EYA3: variants seen among roughly 807,000 people sequenced by gnomAD.
EYA3 encodes EYA transcriptional coactivator and phosphatase 3, also known as protein phosphatase EYA3.
In EYA3, 39 loss-of-function variants were observed where a neutral mutation model predicts 80.0. The observed-to-expected ratio is 0.49, with a 90% confidence interval of 0.38 to 0.64. The LOEUF is 0.64. EYA3 is among the 30% of genes least tolerant of loss of function. The pLI, the probability that EYA3 is intolerant of heterozygous loss-of-function variation, is 0.00. For synonymous variants in EYA3, 206 were observed against 232.8 expected (o/e 0.88, Z 1.05); for missense variants, 523 against 676.1 (o/e 0.77, Z 2.51).
chr1:27,998,380 A>T (rs1640599104), intron 12 of EYA3: 3 of 913,438 alleles, frequency 3.3e-6, no homozygotes. Context: ...TACAATTGGC[A>T]ATAATTATTG....
intron 10 of EYA3, 145 bp downstream of exon 10, chr1:28,010,802 C>A (rs1014907877): frequency 2.3e-6 from 2 of 857,422 alleles, no homozygotes; most frequent in Non-Finnish European, 3.5e-6. Flanking sequence ...TTTCTTTTAA[C>A]GTGGCCAATT....
At chr1:28,050,787 T>C (rs962201644) in intron 2 of EYA3, among the ~76,000 whole-genome samples, 1 of 152,164 alleles carries the variant, frequency 6.6e-6, no homozygotes, top group African/African-American at 2.4e-5. Context: ...AACTAGGCAG[T>C]AGAGGCAGGT....
intron 1 of EYA3, among the ~76,000 whole-genome samples, chr1:28,075,264 G>A (rs1323679139): frequency 6.6e-6 from 1 of 152,144 alleles, no homozygotes; most frequent in African/African-American, 2.4e-5. Context: ...ATTTCCTTAT[G>A]AACATCTCAT....
At chr1:28,073,938 C>T (rs1281902426) in intron 1 of EYA3, among the ~76,000 whole-genome samples, 1 of 152,078 alleles carries the variant, frequency 6.6e-6, no homozygotes, top group Non-Finnish European at 1.5e-5. Flanking sequence ...ACACAGACCA[C>T]AGTTTTTTTA....
At position 27,988,585 on chromosome 1, in the gene EYA3, C is replaced by G; in HGVS notation, c.1490G>C (p.Gly497Ala). ...VPALAKVLLY[G>A]LGEIFPIENI... ...CTCAATAGGAAATATTTCTCCTAGT[C>G]CATATAGGAGAACCTTGGCCAGGGC... Residue 497 changes from glycine to alanine, a missense_variant, in exon 16 of 18, where the codon GGA becomes GCA. By Grantham distance (60) the Gly-to-Ala change is moderately conservative. Around this residue, in one of 2 missense-constraint regions of EYA3, gnomAD observed 219 missense variants for 332.8 expected, o/e 0.66. Coordinates refer to ENST00000373871, the MANE Select transcript of EYA3 (RefSeq NM_001990.4). The G allele has an allele frequency of 6.2e-7, 1 of 1,613,268 alleles. No homozygotes were observed. Among genetic ancestry groups the G allele is most frequent in the Non-Finnish European group, 8.5e-7 (1 of 1,179,272 alleles).
chr1:28,003,270 A>AAACAACAAC (rs139958121), intron 11 of EYA3, among the ~76,000 whole-genome samples: 101 of 145,818 alleles, frequency 6.9e-4, no homozygotes, highest in Admixed American at 1.9e-3. Context: ...ACTCCGTCTC[A>AAACAACAAC]AACAACAACA....
At chr1:28,052,258 C>T (rs1034079215) in intron 2 of EYA3, among the ~76,000 whole-genome samples, 2 of 152,158 alleles carry the variant, frequency 1.3e-5, no homozygotes, top group African/African-American at 4.8e-5. Flanking sequence ...CCCACCTCGG[C>T]CTCCCAAATT....
chr1:28,010,890 T>TA, intron 10 of EYA3, 57 bp downstream of exon 10: 15 of 1,563,722 alleles, frequency 9.6e-6, no homozygotes, highest in Non-Finnish European at 1.1e-5. Flanking sequence ...ACATGTTTGA[T>TA]AAACTTAAGA....
chr1:27,977,948 C>G (rs1340466186), intron 17 of EYA3, among the ~76,000 whole-genome samples: 1 of 151,956 alleles, frequency 6.6e-6, no homozygotes, highest in Non-Finnish European at 1.5e-5. Context: ...TTCCAGGGCT[C>G]AAAGGCAGGA....
intron 13 of EYA3, among the ~76,000 whole-genome samples, chr1:27,995,663 C>T (rs1284534486): frequency 6.6e-6 from 1 of 151,134 alleles, no homozygotes; most frequent in Non-Finnish European, 1.5e-5. Flanking sequence ...TTGAGGGAGG[C>T]CAGGGACAGG....
chr1:28,041,782 T>A (rs1050766841), intron 4 of EYA3, among the ~76,000 whole-genome samples: 2 of 152,072 alleles, frequency 1.3e-5, no homozygotes, highest in Admixed American at 6.6e-5. Flanking sequence ...AGTGTTGGGA[T>A]TACAGACAAG....
intron 4 of EYA3, among the ~76,000 whole-genome samples, chr1:28,040,502 A>T (rs768574153): frequency 3.9e-5 from 6 of 152,358 alleles, no homozygotes; most frequent in Admixed American, 6.5e-5. Flanking sequence ...CAAGATATTT[A>T]AAGTAATGTA....
chr1:28,060,425 G>A lies in EYA3; in HGVS notation c.-68-2331C>T, dbSNP rs114346836. ...TAAAAGAAAAAACATAGAAACATTA[G>A]TATAAATGGTGGGGATATAAATTAT... On this transcript the variant is annotated intron_variant, in intron 1 of 17. Transcript: ENST00000373871. Among the ~76,000 whole-genome samples the A allele has an allele frequency of 1.1e-3, 160 of 152,212 alleles. 1 individual carries two copies. The highest frequency in any genetic ancestry group is 1.4e-3 in the Non-Finnish European group (96 of 68,000).
chr1:27,988,898 T>C (rs543762884), intron 15 of EYA3, among the ~76,000 whole-genome samples: 19 of 152,322 alleles, frequency 1.2e-4, no homozygotes, highest in African/African-American at 4.1e-4. Context: ...AACAACTTAG[T>C]TCTTGCCTTC....
chr1:27,977,338 C>A (rs1226955282), intron 17 of EYA3: 53 of 1,550,524 alleles, frequency 3.4e-5, no homozygotes, highest in Non-Finnish European at 4.6e-5. Flanking sequence ...AGTATCAGGG[C>A]AGTTGGTTCT....
rs1205308896 is a variant in EYA3 at position 28,048,378 on chromosome 1, C to T, written c.77+5G>A. 2 of 1,600,148 alleles carry T rather than the reference C, an allele frequency of 1.2e-6. No individual in the cohort carries two copies. The highest frequency in any genetic ancestry group is 2.2e-5 in the East Asian group (1 of 44,730). ...TTCATTAAAAAGAAAGCAAACTTTA[C>T]ATACCTTATAGTTTGCTCTCCTGAT... On this transcript the variant is annotated splice_donor_5th_base_variant and intron_variant, in intron 3 of 17. Transcript: ENST00000373871.
At chr1:28,065,270 T>C (rs1313443118) in intron 1 of EYA3, among the ~76,000 whole-genome samples, 4 of 152,168 alleles carry the variant, frequency 2.6e-5, no homozygotes, top group South Asian at 2.1e-4. Flanking sequence ...GTTCTTACCA[T>C]AGATTTTTTT....
In EYA3 at chr1:28,030,449, G is replaced by C. The variant is rs541681261; in HGVS notation, c.362-2523C>G. 2.6e-4 allele frequency among the ~76,000 whole-genome samples: 39 copies of C among 152,066 alleles called. 1 individual carries two copies. In the South Asian group the frequency reaches 8.1e-3, roughly 32 times the overall value. On this transcript the variant is annotated intron_variant, in intron 6 of 17. Transcript: ENST00000373871. ...CTGGGACCACAGGCACACTACGCCT[G>C]GCTACTTTTTGTATTTTTGCAGAGA...
intron 3 of EYA3, among the ~76,000 whole-genome samples, chr1:28,046,247 T>C (rs1422131614): frequency 6.6e-6 from 1 of 152,196 alleles, no homozygotes; most frequent in Non-Finnish European, 1.5e-5. Context: ...GTAAATTGTA[T>C]ATTGTGTGTA....
Sources: allele counts gnomAD v4.1 joint callset (sites outside exome capture counted in the v4.1 genomes callset), GRCh38; gene constraint gnomAD v4.1.1; regional missense constraint gnomAD v4.1.1; transcripts MANE v1.5; gene names NCBI Gene and HGNC (gene_info 2026-07-23, HGNC 2026-07-21).